The following TF variants were observed in gnomAD, a reference collection of about 807,000 sequenced individuals.
TF encodes the protein serotransferrin.
In TF, 55 loss-of-function variants were observed where a neutral mutation model predicts 82.4. The ratio of observed to expected loss-of-function variants is 0.67; its 90% CI spans 0.54 to 0.84. The LOEUF is 0.84. TF is among the 40% of genes least tolerant of loss of function. The pLI, the probability that TF is intolerant of heterozygous loss-of-function variation, is 0.00. For synonymous variants in TF, 332 were observed against 332.6 expected, an observed-to-expected ratio of 1.00 and a Z score of 0.02; for missense variants, 737 against 868.4, an observed-to-expected ratio of 0.85 and a Z score of 1.90.
chr3:133,747,932 TAA>T (rs547298759), intron 1 of TF, among the ~76,000 whole-genome samples: 64 of 142,812 alleles, frequency 4.5e-4, no homozygotes, highest in Admixed American at 6.3e-4. Context: ...GACCTTGGGT[TAA>T]AAAAAAAAAA....
At chr3:133,728,439 A>G in the TF span, among the ~76,000 whole-genome samples, 5 of 151,882 alleles carry the variant, frequency 3.3e-5, no homozygotes, top group African/African-American at 9.7e-5. Context: ...CTTCCAGTTC[A>G]TTGCATCAGC....
chr3:133,689,338 A>AATAC, the TF span, among the ~76,000 whole-genome samples: 1 of 152,034 alleles, frequency 6.6e-6, no homozygotes. Flanking sequence ...TAAATAAATA[A>AATAC]ATAAAATAAC....
rs898669906 is a variant in TF, at chr3:133,766,322, A to G, written c.1375A>G (p.Thr459Ala). 4.3e-6 allele frequency: 7 copies of G among 1,614,080 alleles called. No individual in the cohort carries two copies. The highest frequency in any genetic ancestry group is 5.9e-6 in the Non-Finnish European group (7 of 1,180,036). ...AVVKKSASDL[T>A]WDNLKGKKSC... ...GGTGAAGAAATCAGCTTCTGACCTCACCTGGGACAATCTGAAAGGCAAGAA... is the reference window on the plus strand; with the variant it reads ...GGTGAAGAAATCAGCTTCTGACCTCGCCTGGGACAATCTGAAAGGCAAGAA... Residue 459 changes from threonine (T) to alanine (A), a missense_variant, in exon 12 of 17, where the codon ACC becomes GCC. Thr to Ala is a moderately conservative substitution (Grantham distance 58). Transcript: ENST00000402696.
chr3:133,664,678 A>T, the TF span, among the ~76,000 whole-genome samples: 1 of 152,200 alleles, frequency 6.6e-6, no homozygotes, highest in Non-Finnish European at 1.5e-5. Flanking sequence ...CTATGTAAAT[A>T]CTATGTAAAC....
At chr3:133,754,754 C>A in intron 4 of TF, 83 bp downstream of exon 4, 1 of 1,457,588 alleles carries the variant, frequency 6.9e-7, no homozygotes, top group Non-Finnish European at 9.6e-7. Context: ...CAGTCACCAT[C>A]AGCAGACATG....
At chr3:133,730,212 G>A in the TF span, among the ~76,000 whole-genome samples, 1 of 152,150 alleles carries the variant, frequency 6.6e-6, no homozygotes, top group Non-Finnish European at 1.5e-5. Flanking sequence ...GTCCTAGAGG[G>A]GACAGGAAGG....
chr3:133,672,951 G>C, the TF span, among the ~76,000 whole-genome samples: 3 of 151,996 alleles, frequency 2.0e-5, no homozygotes, highest in African/African-American at 7.3e-5. Flanking sequence ...AAAAATTTAG[G>C]CAACCCAGGA....
chr3:133,718,973 G>A, the TF span, among the ~76,000 whole-genome samples: 1 of 152,206 alleles, frequency 6.6e-6, no homozygotes, highest in East Asian at 1.9e-4. Context: ...GCTAGGTATA[G>A]AGGGACCTGA....
Position 133,795,406 on chromosome 3 carries a change from A to G in TF, c.*16786A>G, listed in dbSNP as rs975683415. ...TGTCAAATGGCCTCTCTTCAACTGG[A>G]ATGACAAGAGCTGAAAGAAATTGCA... On this transcript the variant is annotated 3_prime_UTR_variant, in exon 17 of 17. Coordinates refer to ENST00000402696, the MANE Select transcript of TF (RefSeq NM_001063.4). The G allele has an allele frequency of 1.3e-5, 2 of 152,076 alleles. No homozygotes were observed. The highest frequency in any genetic ancestry group is 6.6e-5 in the Admixed American group (1 of 15,260). 9.4% of individuals were successfully genotyped at this position (152,076 alleles called of 1,614,324 possible).
the TF span, among the ~76,000 whole-genome samples, chr3:133,726,781 T>C: frequency 6.6e-6 from 1 of 152,214 alleles, no homozygotes; most frequent in Non-Finnish European, 1.5e-5. Flanking sequence ...TCCTGCTTTC[T>C]CTTGTGGGCA....
At chr3:133,729,029 G>T in the TF span, among the ~76,000 whole-genome samples, 1 of 152,218 alleles carries the variant, frequency 6.6e-6, no homozygotes, top group South Asian at 2.1e-4. Context: ...TGTCTCAGAG[G>T]AGTACCCGGC....
chr3:133,728,195 T>C, the TF span, among the ~76,000 whole-genome samples: 1 of 152,182 alleles, frequency 6.6e-6, no homozygotes, highest in African/African-American at 2.4e-5. Flanking sequence ...ATCTGAATGT[T>C]GGCCTGCCTT....
intron 14 of TF, 191 bp downstream of exon 14, chr3:133,770,763 C>T: frequency 3.0e-6 from 2 of 667,812 alleles, no homozygotes; most frequent in Non-Finnish European, 5.3e-6. Context: ...ATTATGGGGC[C>T]CCCAATGGCC....
chr3:133,713,487 G>A, the TF span, among the ~76,000 whole-genome samples: 137 of 152,348 alleles, frequency 9.0e-4, no homozygotes, highest in Non-Finnish European at 1.6e-3. Context: ...TGAGAAAGGA[G>A]TGATGTCTAG....
Position 133,781,546 on chromosome 3 carries a change from T to C in TF, c.*2926T>C, listed in dbSNP as rs1934516029. On this transcript the variant is annotated 3_prime_UTR_variant, in exon 17 of 17. Transcript: ENST00000402696. ...AGTAAAAAATAATGTAAAGAAGACA[T>C]ATTGCTTTGGATAGGAAGACTCAGT... 6.6e-6 allele frequency: 1 copy of C among 152,152 alleles called. No homozygotes were observed. Among genetic ancestry groups the C allele is most frequent in the Non-Finnish European group, 1.5e-5 (1 of 68,026 alleles). 9.4% of individuals were successfully genotyped at this position (152,152 alleles called of 1,614,324 possible). A position where few individuals can be genotyped will look rare whatever the true frequency, so the allele number is the denominator to read the frequency against.
chr3:133,723,637 T>TTATTATTATTATTACTA, the TF span, among the ~76,000 whole-genome samples: 203 of 143,564 alleles, frequency 1.4e-3, 2 homozygotes, highest in African/African-American at 3.9e-3. Context: ...GTTTGGTTCT[T>TTATTATTATTATTACTA]TTATTATTAT....
Position 133,789,105 on chromosome 3 carries a change from G to A in TF, c.*10485G>A, listed in dbSNP as rs779994857. Reference sequence around the variant, plus strand: ...ACTCTTAAGACTGGACCCCAAAGGGGGATTCCCCAGGGGATCCTCCAGACT... The same window carrying A: ...ACTCTTAAGACTGGACCCCAAAGGGAGATTCCCCAGGGGATCCTCCAGACT... On this transcript the variant is annotated 3_prime_UTR_variant, in exon 17 of 17. Transcript: ENST00000402696. 1.3e-5 allele frequency: 2 copies of A among 152,314 alleles called. No individual in the cohort carries two copies. Among genetic ancestry groups the A allele is most frequent in the Non-Finnish European group, 2.9e-5 (2 of 68,110 alleles). The allele number at this position is 152,314 out of a possible 1,614,324, so 9.4% of individuals were successfully genotyped here. A position where few individuals can be genotyped will look rare whatever the true frequency, so the allele number is the denominator to read the frequency against.
chr3:133,757,908 A>G lies in TF; in HGVS notation c.1010A>G (p.Glu337Gly). 6.2e-7 allele frequency: 1 copy of G among 1,614,200 alleles called. No individual in the cohort carries two copies. The highest frequency in any genetic ancestry group is 8.5e-7 in the Non-Finnish European group (1 of 1,180,028). The change falls in exon 8 of 17, where the codon GAG (glutamate) becomes GGG (glycine). Residue 337 changes from glutamate to glycine, a missense_variant. Glu to Gly is a moderately conservative substitution (Grantham distance 98). Coordinates refer to ENST00000402696, the MANE Select transcript of TF (RefSeq NM_001063.4). ...GATGCCAAGATGTACCTGGGCTATG[A>G]GTATGTCACTGCCATCCGGAATCTA... ...RMDAKMYLGY[E>G]YVTAIRNLRE...
chr3:133,756,191 G>C (rs1350104686), intron 5 of TF, 91 bp from the exon 6 acceptor site: 19 of 1,289,908 alleles, frequency 1.5e-5, no homozygotes, highest in Non-Finnish European at 1.1e-6. Flanking sequence ...CTCTATCCTA[G>C]TGTGAGTGCT....
Sources: gnomAD v4.1 joint callset for allele counts (sites outside exome capture counted in the v4.1 genomes callset) on GRCh38, gnomAD v4.1.1 for gene constraint, MANE v1.5 for transcripts, NCBI Gene and HGNC (gene_info 2026-07-23, HGNC 2026-07-21) for gene names.